Variants in NYX observed in about 807,000 individuals in gnomAD.
NYX encodes nyctalopin.
For missense variants in NYX, 481 were observed against 485.4 expected, an observed-to-expected ratio of 0.99 and a Z score of 0.09; for synonymous variants, 258 against 245.7, an observed-to-expected ratio of 1.05 and a Z score of -0.47.
intron 2 of NYX, among the ~76,000 whole-genome samples, chrX:41,469,983 T>C (rs902086661): frequency 9.0e-6 from 1 of 111,097 alleles, no homozygotes; most frequent in Non-Finnish European, 1.9e-5. Context: ...TAAAAAAGTT[T>C]CTAGCAGGCA....
At position 41,447,375 on chromosome X, in the gene NYX, C is replaced by A. The variant is rs755555672; in HGVS notation, c.-198C>A. On this transcript the variant is annotated 5_prime_UTR_variant, in exon 1 of 3. Coordinates refer to ENST00000378220, the MANE Select transcript of NYX (RefSeq NM_001378477.3). ...CACAAGTAACTATTCCTCTTCACCC[C>A]TTCCTCCCGTCCCCCCACCCCCACC... 2 of 131,877 alleles carry A rather than the reference C, an allele frequency of 1.5e-5. No individual in the cohort carries two copies. The highest frequency in any genetic ancestry group is 3.2e-5 in the African/African-American group (1 of 31,588). The allele number at this position is 131,877 out of a possible 1,213,427, so 10.9% of individuals were successfully genotyped here.
intron 2 of NYX, among the ~76,000 whole-genome samples, chrX:41,453,541 C>T (rs778398573): frequency 3.7e-5 from 4 of 108,985 alleles, no homozygotes; most frequent in Admixed American, 9.9e-5. Context: ...CTGCAACCTC[C>T]GCCTCCCAGG....
chrX:41,461,550 T>C (rs1238433022), intron 2 of NYX, among the ~76,000 whole-genome samples: 1 of 110,305 alleles, frequency 9.1e-6, no homozygotes, highest in Non-Finnish European at 1.9e-5. Flanking sequence ...AGATACCCAG[T>C]AGTGGGATTG....
At chrX:41,463,424 T>C (rs751893340) in intron 2 of NYX, among the ~76,000 whole-genome samples, 9 of 54,758 alleles carry the variant, frequency 1.6e-4, no homozygotes, top group Admixed American at 8.4e-4. Flanking sequence ...AGTAGTCTCT[T>C]TTTTTTTTTT....
chrX:41,471,578 A>G (rs1034768579), intron 2 of NYX, among the ~76,000 whole-genome samples: 5 of 111,902 alleles, frequency 4.5e-5, no homozygotes, highest in African/African-American at 1.6e-4. Flanking sequence ...TGCTGGGGTG[A>G]TTACCCTTAT....
At position 41,475,539 on chromosome X, in the gene NYX, A is replaced by G. The variant is rs2064388484; in HGVS notation, c.*640A>G. The G allele has an allele frequency of 9.0e-6, 1 of 111,720 alleles. No homozygotes were observed. Among genetic ancestry groups the G allele is most frequent in the African/African-American group, 3.3e-5 (1 of 30,675 alleles). The allele number at this position is 111,720 out of a possible 1,213,427, so 9.2% of individuals were successfully genotyped here. A position where few individuals can be genotyped will look rare whatever the true frequency, so the allele number is the denominator to read the frequency against. Reference sequence around the variant, plus strand: ...ATTCCCAGGGCTGGCCCTAGCCACAAAGGAACTTTAGGGCAGGGTAGGGAA... The same window carrying G: ...ATTCCCAGGGCTGGCCCTAGCCACAGAGGAACTTTAGGGCAGGGTAGGGAA... On this transcript the variant is annotated 3_prime_UTR_variant, in exon 3 of 3. Coordinates refer to ENST00000378220, the MANE Select transcript of NYX (RefSeq NM_001378477.3).
intron 2 of NYX, among the ~76,000 whole-genome samples, chrX:41,458,552 C>A (rs778326364): frequency 9.0e-6 from 1 of 110,688 alleles, no homozygotes; most frequent in Admixed American, 9.6e-5. Flanking sequence ...CTCTGCCACT[C>A]GGGTTCAAGT....
At chrX:41,464,670 C>CGTGCGTGTGTGT (rs1555966122) in intron 2 of NYX, among the ~76,000 whole-genome samples, 4 of 101,816 alleles carry the variant, frequency 3.9e-5, no homozygotes, top group Admixed American at 1.1e-4. Context: ...ATGGGCCGTG[C>CGTGCGTGTGTGT]GTGTGTGTGT....
Position 41,471,389 on chromosome X carries a change from G to A in NYX, c.23-2102G>A, listed in dbSNP as rs183559070. Reference sequence around the variant, plus strand: ...GGCCTCTCGAAGTGTTGGGATTACAGGCGTGAGCCACCGCACCTGGCCCAG... The same window carrying A: ...GGCCTCTCGAAGTGTTGGGATTACAAGCGTGAGCCACCGCACCTGGCCCAG... On this transcript the variant is annotated intron_variant, in intron 2 of 2. Coordinates refer to ENST00000378220, the MANE Select transcript of NYX (RefSeq NM_001378477.3). 2.8e-4 allele frequency among the ~76,000 whole-genome samples: 31 copies of A among 110,893 alleles called. 1 individual carries two copies. Among genetic ancestry groups the A allele is most frequent in the Admixed American group, 2.6e-3 (27 of 10,525 alleles).
intron 2 of NYX, among the ~76,000 whole-genome samples, chrX:41,455,409 A>G (rs1226190155): frequency 9.1e-6 from 1 of 109,358 alleles, no homozygotes; most frequent in Non-Finnish European, 1.9e-5. Context: ...GCCCAGCCTG[A>G]GGATTTTTTT....
In NYX at chrX:41,474,430, T is replaced by A; in HGVS notation, c.962T>A (p.Phe321Tyr). 2 of 1,208,119 alleles carry A rather than the reference T, an allele frequency of 1.7e-6. No homozygotes were observed. Among genetic ancestry groups the A allele is most frequent in the Non-Finnish European group, 2.2e-6 (2 of 895,345 alleles). Residue 321 changes from phenylalanine to tyrosine, a missense_variant, in exon 3 of 3, where the codon TTC becomes TAC. Phe to Tyr is a conservative substitution (Grantham distance 22, BLOSUM62 3). Coordinates refer to ENST00000378220, the MANE Select transcript of NYX (RefSeq NM_001378477.3). ...GCCTGGGTCGCCTTCCAGCCCGGCT[T>A]CTTCCTGGGCCGCCTCTTCCTCTTC... is the stretch of plus-strand genomic sequence containing the variant. Reference protein sequence around the residue: ...VLAWVAFQPGFFLGRLFLFRN... With the variant: ...VLAWVAFQPGYFLGRLFLFRN...
intron 2 of NYX, among the ~76,000 whole-genome samples, chrX:41,463,511 C>T (rs1239127575): frequency 9.1e-6 from 1 of 109,380 alleles, no homozygotes; most frequent in Non-Finnish European, 1.9e-5. Context: ...CAACCTCTGC[C>T]TCCTGGGTTC....
At chrX:41,463,428 T>C (rs2064327209) in intron 2 of NYX, among the ~76,000 whole-genome samples, 1 of 109,570 alleles carries the variant, frequency 9.1e-6, no homozygotes, top group African/African-American at 3.3e-5. Flanking sequence ...GTCTCTTTTT[T>C]TTTTTTTTTC....
At chrX:41,449,843 T>G (rs1027873095) in intron 2 of NYX, among the ~76,000 whole-genome samples, 1 of 111,375 alleles carries the variant, frequency 9.0e-6, no homozygotes, top group African/African-American at 3.3e-5. Context: ...CATCTCCACA[T>G]CCCCTGGCAC....
intron 2 of NYX, among the ~76,000 whole-genome samples, chrX:41,459,512 G>A (rs1480802176): frequency 3.6e-5 from 4 of 110,162 alleles, no homozygotes; most frequent in Non-Finnish European, 5.7e-5. Context: ...CCAGCTACTC[G>A]GGAGGCTGAG....
At chrX:41,465,190 G>GTT (rs34219990) in intron 2 of NYX, among the ~76,000 whole-genome samples, 76 of 104,865 alleles carry the variant, frequency 7.2e-4, no homozygotes, top group African/African-American at 2.4e-3. Flanking sequence ...TGCTTCTGCT[G>GTT]TTTTTTTTTT....
rs1289675519 is a variant in NYX at position 41,448,562 on chromosome X, CT to C, written c.22+651del. 7.6e-3 allele frequency among the ~76,000 whole-genome samples: 657 copies of C among 86,560 alleles called. 10 individuals are homozygous for C. The highest frequency in any genetic ancestry group is 0.02 in the African/African-American group (481 of 23,502). The allele number at this position is 86,560 out of a possible 115,157, so 75.2% of individuals were successfully genotyped here. On this transcript the variant is annotated intron_variant, in intron 2 of 2. Transcript: ENST00000378220. The stretch of plus-strand genomic sequence containing the variant: ...GTGGTTTTTTCTTTTCTTTTCTTTT[CT>C]TTTTTTTTTTTTTTGAGACAGAGTC...
chrX:41,450,057 G>T (rs911797560), intron 2 of NYX, among the ~76,000 whole-genome samples: 5 of 111,332 alleles, frequency 4.5e-5, no homozygotes, highest in African/African-American at 1.6e-4. Context: ...TGGGGCAAGA[G>T]AAATTCTCCT....
chrX:41,460,876 A>ATTTTTTTTTTTTTTTTTT (rs59383905), intron 2 of NYX, among the ~76,000 whole-genome samples: 1 of 24,781 alleles, frequency 4.0e-5, no homozygotes, highest in African/African-American at 1.5e-4. Context: ...CACAGTATGT[A>ATTTTTTTTTTTTTTTTTT]TTTTTTTTTT....
Sources: allele counts gnomAD v4.1 joint callset (sites outside exome capture counted in the v4.1 genomes callset), GRCh38; gene constraint gnomAD v4.1.1; transcripts MANE v1.5; gene names NCBI Gene and HGNC (gene_info 2026-07-23, HGNC 2026-07-21).